The following CCR5AS variants were observed in gnomAD, a reference collection of about 807,000 sequenced individuals.
The protein encoded by CCR5AS is CCR5 antisense RNA.
chr3:46,394,909 G>A (rs1701946694), intron 1 of CCR5AS, among the ~76,000 whole-genome samples: 1 of 152,178 alleles, frequency 6.6e-6, no homozygotes, highest in Non-Finnish European at 1.5e-5. Flanking sequence ...TGGGCCCATG[G>A]CATGGGTGGA....
At chr3:46,397,779 A>G (rs1378285314) in intron 1 of CCR5AS, among the ~76,000 whole-genome samples, 6 of 152,378 alleles carry the variant, frequency 3.9e-5, no homozygotes, top group African/African-American at 1.4e-4. Context: ...TGGATATGGA[A>G]GGGCAAAAGG....
At chr3:46,379,699 G>A (rs531659050) in intron 2 of CCR5AS, among the ~76,000 whole-genome samples, 9 of 151,954 alleles carry the variant, frequency 5.9e-5, no homozygotes, top group South Asian at 2.1e-4. Flanking sequence ...GTTCAAGACC[G>A]GCCTGGCCAA....
chr3:46,373,512 G>A (rs1701701303), intron 2 of CCR5AS: 20 of 1,613,054 alleles, frequency 1.2e-5, no homozygotes, highest in Non-Finnish European at 1.5e-5. Flanking sequence ...CTTGGGGCTG[G>A]TCCTGCCGCT....
At chr3:46,364,327 ATT>A (rs1167133327), downstream of CCR5AS, among the ~76,000 whole-genome samples, 1 of 152,216 alleles carries the variant, frequency 6.6e-6, no homozygotes, top group East Asian at 1.9e-4. Context: ...GTCATTAAGA[ATT>A]ATGCGAAATC....
intron 3 of CCR5AS, among the ~76,000 whole-genome samples, chr3:46,366,087 C>T (rs1348530096): frequency 6.6e-6 from 1 of 152,220 alleles, no homozygotes; most frequent in Admixed American, 6.5e-5. Flanking sequence ...ACAATCCATT[C>T]ATTATCCTAA....
intron 1 of CCR5AS, among the ~76,000 whole-genome samples, chr3:46,393,942 T>C (rs961321517): frequency 6.6e-6 from 1 of 152,240 alleles, no homozygotes; most frequent in Admixed American, 6.5e-5. Flanking sequence ...ACCCATTTAA[T>C]CCTTCCTAAC....
At chr3:46,370,381 G>A (rs1181688512) in intron 3 of CCR5AS, among the ~76,000 whole-genome samples, 1 of 152,044 alleles carries the variant, frequency 6.6e-6, no homozygotes, top group African/African-American at 2.4e-5. Flanking sequence ...AATATTGGGT[G>A]GTGAGCATCT....
chr3:46,397,721 T>C (rs1701972587), intron 1 of CCR5AS, among the ~76,000 whole-genome samples: 1 of 152,184 alleles, frequency 6.6e-6, no homozygotes, highest in African/African-American at 2.4e-5. Context: ...AGCCTGCTGT[T>C]AATAAGGTGA....
rs77620040 is a variant in CCR5AS at position 46,395,373 on chromosome 3, G to A, written n.164-2321C>T. On this transcript the variant is annotated intron_variant and non_coding_transcript_variant, in intron 1 of 3. Coordinates refer to ENST00000451485, the Ensembl canonical transcript of CCR5AS. ...GGTCACAGGCAGTGGATGCCGTAGG[G>A]GTGGACTCAATAGCTCAAGCAGAAC... is the stretch of plus-strand genomic sequence containing the variant. Among the ~76,000 whole-genome samples, 89 of 152,168 alleles carry A rather than the reference G, an allele frequency of 5.8e-4. 1 individual carries two copies. In the East Asian group the frequency reaches 0.014, roughly 23 times the overall value.
At chr3:46,383,639 T>C (rs965572782) in intron 2 of CCR5AS, among the ~76,000 whole-genome samples, 1 of 151,790 alleles carries the variant, frequency 6.6e-6, no homozygotes, top group African/African-American at 2.4e-5. Flanking sequence ...TGGCCAGGGG[T>C]AAGAGAGGGA....
In CCR5AS at chr3:46,378,746, G is replaced by A. The variant is rs185435383; in HGVS notation, n.392-7329C>T. Among the ~76,000 whole-genome samples, 528 of 152,300 alleles carry A rather than the reference G, an allele frequency of 3.5e-3. 1 individual carries two copies. The highest frequency in any genetic ancestry group is 3.6e-3 in the Non-Finnish European group (248 of 68,022). Reference sequence around the variant, plus strand: ...CTCACATTCATCATTTCTGAAAACCGAGAGGAGTCTCCATTCGGGGTACAG... The same window carrying A: ...CTCACATTCATCATTTCTGAAAACCAAGAGGAGTCTCCATTCGGGGTACAG... On this transcript the variant is annotated intron_variant and non_coding_transcript_variant, in intron 2 of 3. Transcript: ENST00000451485.
intron 2 of CCR5AS, among the ~76,000 whole-genome samples, chr3:46,379,178 C>G (rs904047925): frequency 3.2e-5 from 4 of 124,932 alleles, no homozygotes; most frequent in African/African-American, 1.2e-4. Context: ...CCCCTCCCCC[C>G]ACCCCACCAC....
chr3:46,371,068 C>T (rs1800024), intron 3 of CCR5AS: 20,202 of 152,192 alleles, frequency 0.13, 1,566 homozygotes, highest in East Asian at 0.22. Context: ...CCATAGAAGA[C>T]ATTTGGCAAA....
chr3:46,397,520 T>G (rs1701971156), intron 1 of CCR5AS, among the ~76,000 whole-genome samples: 1 of 152,188 alleles, frequency 6.6e-6, no homozygotes, highest in Non-Finnish European at 1.5e-5. Context: ...AGGGCACTAT[T>G]CCCACTGCAA....
At chr3:46,379,780 C>T (rs1451661074) in intron 2 of CCR5AS, among the ~76,000 whole-genome samples, 1 of 152,000 alleles carries the variant, frequency 6.6e-6, no homozygotes, top group Non-Finnish European at 1.5e-5. Flanking sequence ...GCTTGTAATC[C>T]CAGCTACTCG....
At chr3:46,384,131 T>A (rs1259045359) in intron 2 of CCR5AS, among the ~76,000 whole-genome samples, 1 of 152,248 alleles carries the variant, frequency 6.6e-6, no homozygotes, top group Non-Finnish European at 1.5e-5. Flanking sequence ...TGAGTGGATC[T>A]TCCTGTTTTG....
At position 46,380,801 on chromosome 3, in the gene CCR5AS, C is replaced by T. The variant is rs967822334; in HGVS notation, n.392-9384G>A. 2.6e-5 allele frequency among the ~76,000 whole-genome samples: 4 copies of T among 152,220 alleles called. No homozygotes were observed. The South Asian group carries it at 6.2e-4, about 24-fold the overall frequency. On this transcript the variant is annotated intron_variant and non_coding_transcript_variant, in intron 2 of 3. Transcript: ENST00000451485. ...AATCCAACCTCAAATAGTTCTGATTCGATCTGCCTGCATTGCTGCCCTGTG... is the reference window on the plus strand; with the variant it reads ...AATCCAACCTCAAATAGTTCTGATTTGATCTGCCTGCATTGCTGCCCTGTG...
chr3:46,370,170 A>G (rs2856758), intron 3 of CCR5AS, among the ~76,000 whole-genome samples: 16,550 of 152,206 alleles, frequency 0.11, 1,099 homozygotes, highest in Non-Finnish European at 0.15. Flanking sequence ...TGGAGTGAAG[A>G]ATCCTGCCAC....
At chr3:46,374,088 T>TAAG (rs1481271694) in intron 2 of CCR5AS, 3 of 554,240 alleles carry the variant, frequency 5.4e-6, no homozygotes, top group Admixed American at 3.3e-5. Context: ...ATAGAGGGTC[T>TAAG]AAGATTCATC....
Sources: allele counts gnomAD v4.1 joint callset (sites outside exome capture counted in the v4.1 genomes callset), GRCh38; gene constraint gnomAD v4.1.1; transcripts MANE v1.5; gene names NCBI Gene and HGNC (gene_info 2026-07-23, HGNC 2026-07-21).